HECA: variants seen among roughly 807,000 people sequenced by gnomAD.
HECA encodes headcase protein homolog.
In HECA, 13 loss-of-function variants were observed where a neutral mutation model predicts 37.6. The ratio of observed to expected loss-of-function variants is 0.35; its 90% CI spans 0.23 to 0.55. The LOEUF (loss-of-function observed/expected upper bound fraction) is 0.55. HECA is among the 20% of genes least tolerant of loss of function. HECA has a pLI of 0.90. For synonymous variants in HECA, 307 were observed against 291.5 expected (o/e 1.05, Z -0.54); for missense variants, 527 against 701.9 (o/e 0.75, Z 2.82).
chr6:139,136,731 C>T (rs1379737562), intron 1 of HECA, among the ~76,000 whole-genome samples: 1 of 151,738 alleles, frequency 6.6e-6, no homozygotes. Context: ...GTCTTCCGGT[C>T]TGAAGCGATT....
chr6:139,166,314 G>A lies in HECA; in HGVS notation c.302G>A (p.Ser101Asn), dbSNP rs1365670669. ...CCATGTGCCACTCCCCTGATCTGCA[G>A]CTTCGGTAGGCCGGTGGACCTGGAG... ...EAPCATPLIC[S>N]FGRPVDLEKD... Residue 101 changes from serine (S) to asparagine (N), a missense_variant, in exon 2 of 4, where the codon AGC becomes AAC. Ser to Asn is a conservative substitution (Grantham distance 46). This residue lies in a region of HECA where 172 missense variants were observed against 197.6 expected (regional missense o/e 0.87). Transcript: ENST00000367658. 2.5e-6 allele frequency: 4 copies of A among 1,611,216 alleles called. No individual in the cohort carries two copies. The highest frequency in any genetic ancestry group is 3.4e-6 in the Non-Finnish European group (4 of 1,178,062).
At chr6:139,167,527 C>A (rs546520053) in intron 2 of HECA, among the ~76,000 whole-genome samples, 1 of 152,222 alleles carries the variant, frequency 6.6e-6, no homozygotes, top group South Asian at 2.1e-4. Context: ...GTACAGTTGT[C>A]CTAGCGGATA....
intron 2 of HECA, among the ~76,000 whole-genome samples, chr6:139,171,546 C>T (rs572280532): frequency 1.3e-5 from 2 of 152,296 alleles, no homozygotes; most frequent in Non-Finnish European, 2.9e-5. Flanking sequence ...AAATCCATGC[C>T]GTCTTATTTG....
At chr6:139,165,292 C>A (rs1774867487) in intron 1 of HECA, among the ~76,000 whole-genome samples, 1 of 152,154 alleles carries the variant, frequency 6.6e-6, no homozygotes, top group Non-Finnish European at 1.5e-5. Flanking sequence ...TTTAAGTTCA[C>A]AGAAAAACTG....
intron 2 of HECA, among the ~76,000 whole-genome samples, chr6:139,172,123 G>T (rs1359648637): frequency 6.6e-6 from 1 of 151,978 alleles, no homozygotes; most frequent in Non-Finnish European, 1.5e-5. Context: ...GAGCCACTGC[G>T]CCCAGCCCTA....
At chr6:139,172,706 T>C (rs1774991905) in intron 2 of HECA, among the ~76,000 whole-genome samples, 1 of 152,224 alleles carries the variant, frequency 6.6e-6, no homozygotes, top group African/African-American at 2.4e-5. Context: ...AGTTTGCCTG[T>C]AGGTTACGGA....
chr6:139,135,538 G>T lies in HECA; in HGVS notation c.142G>T (p.Ala48Ser). 1.0e-6 allele frequency: 1 copy of T among 980,356 alleles called. No homozygotes were observed. Among genetic ancestry groups the T allele is most frequent in the South Asian group, 4.6e-5 (1 of 21,832 alleles). The allele number at this position is 980,356 out of a possible 1,614,324, so 60.7% of individuals were successfully genotyped here. A position where few individuals can be genotyped will look rare whatever the true frequency, so the allele number is the denominator to read the frequency against. ...GGCCGGGGGGGCCCTGGCGGCGGCG[G>T]CCGGTTGCGGGGCGGCGGCGGCGGG... ...AAAGGALAAA[A>S]GCGAAAAGAP... Residue 48 changes from alanine (A) to serine (S), a missense_variant, in exon 1 of 4, where the codon GCC (alanine) becomes TCC (serine). Physicochemically the swap from Ala to Ser is moderately conservative, Grantham distance 99 (BLOSUM62 1). Coordinates refer to ENST00000367658, the MANE Select transcript of HECA (RefSeq NM_016217.3).
In HECA at chr6:139,135,593, C is replaced by G; in HGVS notation, c.197C>G (p.Ala66Gly). 2.1e-6 allele frequency: 2 copies of G among 963,684 alleles called. No homozygotes were observed. The highest frequency in any genetic ancestry group is 2.5e-6 in the Non-Finnish European group (2 of 815,186). 59.7% of individuals were successfully genotyped at this position (963,684 alleles called of 1,614,324 possible). A position where few individuals can be genotyped will look rare whatever the true frequency, so the allele number is the denominator to read the frequency against. The change falls in exon 1 of 4, where the codon GCC becomes GGC. Residue 66 changes from alanine to glycine, a missense_variant. Physicochemically the swap from Ala to Gly is moderately conservative, Grantham distance 60 (BLOSUM62 0). This residue lies in a region of HECA where 172 missense variants were observed against 197.6 expected (regional missense o/e 0.87). Coordinates refer to ENST00000367658, the MANE Select transcript of HECA (RefSeq NM_016217.3). ...CCGGGCGCCGGAGGCGCGGCGGGCG[C>G]CGGAGGCGCGGGGACTGGCGCCGCG... is the stretch of plus-strand genomic sequence containing the variant. Reference protein sequence around the residue: ...GAPGAGGAAGAGGAGTGAANA... With the variant: ...GAPGAGGAAGGGGAGTGAANA...
chr6:139,141,082 G>T (rs112729786), intron 1 of HECA, among the ~76,000 whole-genome samples: 11 of 152,064 alleles, frequency 7.2e-5, no homozygotes, highest in Non-Finnish European at 1.3e-4. Flanking sequence ...GAGCCAGCGC[G>T]CCCGGCCCTC....
In HECA at chr6:139,176,163, G is replaced by A. The variant is rs1775049535; in HGVS notation, c.1468-778G>A. 6.6e-6 allele frequency among the ~76,000 whole-genome samples: 1 copy of A among 152,178 alleles called. No individual in the cohort carries two copies. Among genetic ancestry groups the A allele is most frequent in the Non-Finnish European group, 1.5e-5 (1 of 68,042 alleles). On this transcript the variant is annotated intron_variant, in intron 3 of 3. Transcript: ENST00000367658. This position sits in a 1 kb window ranked among gnomAD's most constrained non-coding sequence, Gnocchi z 4.5. Reference sequence around the variant, plus strand: ...AAAAGTAGTTCCTGCAGTGGCTGAGGATCAGCAGGCTGCTTTGGTTCACTC... The same window carrying A: ...AAAAGTAGTTCCTGCAGTGGCTGAGAATCAGCAGGCTGCTTTGGTTCACTC...
At chr6:139,139,363 A>G (rs1288361945) in intron 1 of HECA, among the ~76,000 whole-genome samples, 1 of 152,276 alleles carries the variant, frequency 6.6e-6, no homozygotes, top group Admixed American at 6.5e-5. Context: ...AAATATCTGT[A>G]TCTATCTATT....
chr6:139,168,952 C>T (rs1774933070), intron 2 of HECA, among the ~76,000 whole-genome samples: 1 of 152,152 alleles, frequency 6.6e-6, no homozygotes. Context: ...ACTCTTATTC[C>T]TGTCTTTGCC....
At chr6:139,143,596 C>T (rs1774542814) in intron 1 of HECA, among the ~76,000 whole-genome samples, 1 of 152,298 alleles carries the variant, frequency 6.6e-6, no homozygotes, top group African/African-American at 2.4e-5. Flanking sequence ...GGCGTGGTGG[C>T]TCACACCTGT....
intron 1 of HECA, among the ~76,000 whole-genome samples, chr6:139,148,398 A>C (rs1363084340): frequency 6.6e-6 from 1 of 152,242 alleles, no homozygotes; most frequent in Non-Finnish European, 1.5e-5. Context: ...TTTGTATACC[A>C]GTGCACAGTA....
At chr6:139,167,550 C>T (rs141350579) in intron 2 of HECA, among the ~76,000 whole-genome samples, 216 of 152,172 alleles carry the variant, frequency 1.4e-3, no homozygotes, top group African/African-American at 5.1e-3. Context: ...TTTGTGTGTT[C>T]TGTAATTTGA....
At chr6:139,173,806 T>C (rs902457285) in intron 2 of HECA, among the ~76,000 whole-genome samples, 2 of 152,194 alleles carry the variant, frequency 1.3e-5, no homozygotes, top group African/African-American at 4.8e-5. Flanking sequence ...TGAACTTCTT[T>C]TAAAAAATTA....
At chr6:139,136,760 G>C (rs1774452455) in intron 1 of HECA, among the ~76,000 whole-genome samples, 1 of 151,736 alleles carries the variant, frequency 6.6e-6, no homozygotes, top group African/African-American at 2.4e-5. Context: ...TCAGCCTCCC[G>C]AGTAGCTGGG....
chr6:139,150,390 GAATA>G (rs1326210975), intron 1 of HECA, among the ~76,000 whole-genome samples: 1 of 151,490 alleles, frequency 6.6e-6, no homozygotes, highest in African/African-American at 2.4e-5. Context: ...TTTGACTTTG[GAATA>G]AATCAGTTTT....
chr6:139,139,134 G>A (rs1448153585), intron 1 of HECA, among the ~76,000 whole-genome samples: 1 of 152,184 alleles, frequency 6.6e-6, no homozygotes, highest in East Asian at 1.9e-4. Context: ...ACTGCCTCTA[G>A]AACCCGTGGG....
Sources: gnomAD v4.1 joint callset for allele counts (sites outside exome capture counted in the v4.1 genomes callset) on GRCh38, gnomAD v4.1.1 for gene constraint, gnomAD v4.1.1 regional missense constraint, Gnocchi (gnomAD v3.1) non-coding constraint, MANE v1.5 for transcripts, NCBI Gene and HGNC (gene_info 2026-07-23, HGNC 2026-07-21) for gene names.